Variants in VAC14 observed in about 807,000 individuals in gnomAD.
The protein encoded by VAC14 is protein VAC14 homolog.
In VAC14, 47 loss-of-function variants were observed where a neutral mutation model predicts 85.3. That is an observed-to-expected ratio of 0.55 (90% confidence interval 0.44 to 0.70). The LOEUF (loss-of-function observed/expected upper bound fraction) is 0.70. VAC14 is among the 30% of genes least tolerant of loss of function. The probability of loss-of-function intolerance (pLI) is 0.00; values close to 1 mark genes in which losing one functional copy is unlikely to be tolerated. For missense variants in VAC14, 861 were observed against 1,004.3 expected (o/e 0.86, Z 1.93); for synonymous variants, 447 against 430.5 (o/e 1.04, Z -0.47).
rs541499106 is a variant in VAC14, at chr16:70,706,743, CG to C, written c.1662-7933del. The stretch of plus-strand genomic sequence containing the variant: ...CTGACCTCAAGTGATCCACCCGCCT[CG>C]GCCTCCCTAAGTGCTGGGATTACAG... On this transcript the variant is annotated intron_variant, in intron 14 of 18. Transcript: ENST00000261776. Among the ~76,000 whole-genome samples, 99 of 152,314 alleles carry C rather than the reference CG, an allele frequency of 6.5e-4. 1 individual carries two copies. Among genetic ancestry groups the C allele is most frequent in the East Asian group, 5.4e-3 (28 of 5,184 alleles).
At chr16:70,771,898 C>T (rs74461960) in intron 10 of VAC14, 42,714 of 548,586 alleles carry the variant, frequency 0.078, 1,948 homozygotes, top group South Asian at 0.13. Flanking sequence ...GCTTCTAATC[C>T]GCCCTATCTA....
intron 14 of VAC14, among the ~76,000 whole-genome samples, chr16:70,728,416 A>G (rs1262363379): frequency 6.6e-6 from 1 of 152,216 alleles, no homozygotes; most frequent in Non-Finnish European, 1.5e-5. Flanking sequence ...GCTCCTGCCC[A>G]GCCCAGTGGG....
In VAC14 at chr16:70,687,836, T is replaced by C. The variant is rs1309702714; in HGVS notation, c.*92A>G. 7.7e-6 allele frequency: 10 copies of C among 1,300,928 alleles called. No homozygotes were observed. The highest frequency in any genetic ancestry group is 8.9e-6 in the Non-Finnish European group (9 of 1,011,398). 80.6% of individuals were successfully genotyped at this position (1,300,928 alleles called of 1,614,324 possible). ...GGGTTGGCAGGCCCAGCCCTGGTCC[T>C]GACAGGCAGGTCCTTGAGCTCCTCG... is the stretch of plus-strand genomic sequence containing the variant. On this transcript the variant is annotated 3_prime_UTR_variant, in exon 19 of 19. Transcript: ENST00000261776.
Position 70,784,231 on chromosome 16 carries a change from G to C in VAC14, c.487-11C>G, listed in dbSNP as rs1038157729. 3 of 1,611,124 alleles carry C rather than the reference G, an allele frequency of 1.9e-6. No individual in the cohort carries two copies. Among genetic ancestry groups the C allele is most frequent in the South Asian group, 1.1e-5 (1 of 91,012 alleles). On this transcript the variant is annotated splice_polypyrimidine_tract_variant and intron_variant, in intron 4 of 18. Transcript: ENST00000261776. ...CTCAGTCACAATGTCCTGTGGATCA[G>C]AGGAAAGTGAGCTGCCGAGAGCCCG...
chr16:70,754,413 G>C (rs2031656475), intron 12 of VAC14, among the ~76,000 whole-genome samples: 1 of 152,182 alleles, frequency 6.6e-6, no homozygotes, highest in African/African-American at 2.4e-5. Context: ...ACCTCTGCTG[G>C]GCCTGGGACC....
chr16:70,742,735 C>T (rs566873504), intron 13 of VAC14, among the ~76,000 whole-genome samples: 7 of 152,342 alleles, frequency 4.6e-5, no homozygotes, highest in African/African-American at 2.4e-5. Context: ...AGGGCTGGGG[C>T]GCCTCCCACT....
rs758932418 is a variant in VAC14 at position 70,739,483 on chromosome 16, T to C, written c.1528+4940A>G. On this transcript the variant is annotated intron_variant, in intron 13 of 18. Coordinates refer to ENST00000261776, the MANE Select transcript of VAC14 (RefSeq NM_018052.5). ...CCCCATCACTGCCAGGTTGTGCCCA[T>C]GGCCTGGCCCCTCTCCTCCTCCCCT... Among the ~76,000 whole-genome samples, 4 of 152,214 alleles carry C rather than the reference T, an allele frequency of 2.6e-5. No individual in the cohort carries two copies. The East Asian group carries it at 7.7e-4, about 29-fold the overall frequency.
chr16:70,755,433 T>C (rs1414573895), intron 12 of VAC14, among the ~76,000 whole-genome samples: 1 of 152,132 alleles, frequency 6.6e-6, no homozygotes, highest in Non-Finnish European at 1.5e-5. Context: ...CTGGGCCGGG[T>C]CCCTGCTCTG....
chr16:70,759,866 C>A (rs1419064661), intron 12 of VAC14, among the ~76,000 whole-genome samples: 1 of 152,142 alleles, frequency 6.6e-6, no homozygotes, highest in Non-Finnish European at 1.5e-5. Flanking sequence ...AGGGCCCAGG[C>A]TTTAGTGCCA....
rs554769096 is a variant in VAC14 at position 70,757,085 on chromosome 16, A to G, written c.1371+5455T>C. On this transcript the variant is annotated intron_variant, in intron 12 of 18. Transcript: ENST00000261776. ...TCTGAAGCTACGGGAGGGGGAAGAG[A>G]GGAGTTCCTCCTGGGTTGAGACTCT... 2.0e-5 allele frequency among the ~76,000 whole-genome samples: 3 copies of G among 152,274 alleles called. No homozygotes were observed. In the East Asian group the frequency reaches 5.8e-4, roughly 29 times the overall value.
chr16:70,776,151 G>A (rs1196778810), intron 9 of VAC14, among the ~76,000 whole-genome samples: 1 of 152,176 alleles, frequency 6.6e-6, no homozygotes, highest in Non-Finnish European at 1.5e-5. Context: ...TCTCCCCCAG[G>A]CTGTAGTGGC....
Position 70,698,676 on chromosome 16 carries a change from G to T in VAC14, c.1797C>A (p.Leu599=). The change falls in exon 15 of 19, where the codon CTC becomes CTA. Residue 599 remains leucine (L), a synonymous_variant. Transcript: ENST00000261776. The stretch of plus-strand genomic sequence containing the variant: ...CCTTCAGCTGGTTCCTTAGCTGGAA[G>T]AGCTCTGTGGAGGTCAGCAGGATGG... ...LNTILLTSTE[L]FQLRNQLKDL... 6.2e-7 allele frequency: 1 copy of T among 1,614,196 alleles called. No individual in the cohort carries two copies. The highest frequency in any genetic ancestry group is 1.3e-5 in the African/African-American group (1 of 75,068).
chr16:70,750,197 AG>A (rs1207618161), intron 12 of VAC14, among the ~76,000 whole-genome samples: 1 of 152,210 alleles, frequency 6.6e-6, no homozygotes, highest in Non-Finnish European at 1.5e-5. Context: ...AAACAGACCT[AG>A]TCCTCCTTCC....
At chr16:70,785,618 G>C (rs961189885) in intron 3 of VAC14, 84 bp downstream of exon 3, 1 of 1,453,958 alleles carries the variant, frequency 6.9e-7, no homozygotes, top group Admixed American at 2.4e-5. Flanking sequence ...TTGCATCTGG[G>C]AAAAGGGGTC....
Position 70,731,595 on chromosome 16 carries a change from G to T in VAC14, c.1561C>A (p.Pro521Thr). Residue 521 changes from proline to threonine, a missense_variant, in exon 14 of 19, where the codon CCC becomes ACC. Coordinates refer to ENST00000261776, the MANE Select transcript of VAC14 (RefSeq NM_018052.5). ...TKGLECSPSTPTMNSYFYKFM... is the reference protein window; with the variant it reads ...TKGLECSPSTTTMNSYFYKFM... ...TTATAAAAGTAAGAATTCATGGTGG[G>T]AGTTGAAGGAGAACATTCTAAGCCT... The T allele has an allele frequency of 6.2e-7, 1 of 1,614,102 alleles. No individual in the cohort carries two copies. The highest frequency in any genetic ancestry group is 8.5e-7 in the Non-Finnish European group (1 of 1,180,018).
intron 14 of VAC14, among the ~76,000 whole-genome samples, chr16:70,719,696 T>C (rs2054242220): frequency 1.3e-5 from 2 of 152,170 alleles, no homozygotes; most frequent in Admixed American, 6.5e-5. Flanking sequence ...CTAATCAGAA[T>C]GGCTAAAATC....
chr16:70,785,855 G>T lies in VAC14; in HGVS notation c.270C>A (p.Tyr90Ter). The change falls in exon 3 of 19, where the codon TAC becomes TAA. Residue 90 changes from tyrosine to a stop codon, truncating the protein, a stop_gained. Coordinates refer to ENST00000261776, the MANE Select transcript of VAC14 (RefSeq NM_018052.5). LOFTEE classifies it high-confidence loss of function. ...SIALGKDSGL[Y>*]LKELIEPVLT... ...GCACTGGCTCGATCAGCTCCTTCAG[G>T]TAGAGCCCTGAGTCCTGCAAGGAGG... is the stretch of plus-strand genomic sequence containing the variant. 6.2e-7 allele frequency: 1 copy of T among 1,605,140 alleles called. No individual in the cohort carries two copies. Among genetic ancestry groups the T allele is most frequent in the Non-Finnish European group, 8.5e-7 (1 of 1,175,416 alleles).
At chr16:70,763,238 T>C (rs2032551756) in intron 10 of VAC14, among the ~76,000 whole-genome samples, 1 of 152,106 alleles carries the variant, frequency 6.6e-6, no homozygotes, top group South Asian at 2.1e-4. Context: ...GAAGGGGGCT[T>C]CTCTCTCTCC....
intron 10 of VAC14, among the ~76,000 whole-genome samples, chr16:70,767,662 C>T (rs775814157): frequency 7.9e-5 from 12 of 152,166 alleles, no homozygotes; most frequent in African/African-American, 9.7e-5. Flanking sequence ...GTTAAATGCA[C>T]GGGCTCTGGA....
Sources: allele counts gnomAD v4.1 joint callset (sites outside exome capture counted in the v4.1 genomes callset), GRCh38; gene constraint gnomAD v4.1.1; transcripts MANE v1.5; gene names NCBI Gene and HGNC (gene_info 2026-07-23, HGNC 2026-07-21).